Variants in FSTL5 observed in about 807,000 individuals in gnomAD.
The protein encoded by FSTL5 is follistatin like 5, also known as follistatin-related protein 5.
In FSTL5, 62 loss-of-function variants were observed where a neutral mutation model predicts 89.1. The observed-to-expected ratio is 0.70, with a 90% CI of 0.57 to 0.86. The LOEUF (loss-of-function observed/expected upper bound fraction) is 0.86, where lower values mean the gene tolerates loss of function less well. Among genes scored for constraint, FSTL5 ranks in the 40% least tolerant of loss-of-function variants. The pLI is 0.00. For missense variants in FSTL5, 1,057 were observed against 1,001.6 expected, an observed-to-expected ratio of 1.06 and a Z score of -0.75; for synonymous variants, 383 against 346.2, an observed-to-expected ratio of 1.11 and a Z score of -1.18.
intron 6 of FSTL5, among the ~76,000 whole-genome samples, chr4:161,753,015 A>T (rs891034185): frequency 3.3e-5 from 5 of 152,158 alleles, no homozygotes; most frequent in Admixed American, 2.0e-4. Context: ...ATAAATTTCC[A>T]TTGTTGAAGC....
chr4:161,680,794 T>A (rs375551109), intron 6 of FSTL5, among the ~76,000 whole-genome samples: 18 of 152,114 alleles, frequency 1.2e-4, no homozygotes, highest in African/African-American at 4.1e-4. Context: ...AAAGATTAAG[T>A]AAACATTTCA....
intron 3 of FSTL5, among the ~76,000 whole-genome samples, chr4:161,924,782 GA>G (rs1269298479): frequency 6.6e-6 from 1 of 151,790 alleles, no homozygotes; most frequent in Non-Finnish European, 1.5e-5. Context: ...CAATAATAAA[GA>G]GGGAGGGAAG....
chr4:162,071,992 T>C (rs1304941735), intron 2 of FSTL5, among the ~76,000 whole-genome samples: 2 of 151,782 alleles, frequency 1.3e-5, no homozygotes, highest in Non-Finnish European at 2.9e-5. Flanking sequence ...GCATCAGTTA[T>C]GATAAAATGG....
chr4:162,092,593 A>G (rs1730590334), intron 2 of FSTL5, among the ~76,000 whole-genome samples: 1 of 152,156 alleles, frequency 6.6e-6, no homozygotes, highest in Non-Finnish European at 1.5e-5. Flanking sequence ...AAAGTTTGAT[A>G]AGTAGAATAA....
intron 1 of FSTL5, among the ~76,000 whole-genome samples, chr4:162,160,292 A>G (rs1733644887): frequency 6.6e-6 from 1 of 151,848 alleles, no homozygotes; most frequent in Non-Finnish European, 1.5e-5. Flanking sequence ...GTGATTTAAA[A>G]CACAGGGGGA....
chr4:161,793,938 C>A (rs11935215), intron 4 of FSTL5, among the ~76,000 whole-genome samples: 59 of 152,090 alleles, frequency 3.9e-4, no homozygotes, highest in Middle Eastern at 3.4e-3. Flanking sequence ...GGATATAATA[C>A]GGATATTACA....
chr4:161,753,359 T>C (rs546664751), intron 6 of FSTL5, among the ~76,000 whole-genome samples: 1 of 152,184 alleles, frequency 6.6e-6, no homozygotes, highest in Non-Finnish European at 1.5e-5. Context: ...AGCTAGAAAT[T>C]TGGGCATTAT....
rs1236549767 is a variant in FSTL5 at position 161,747,663 on chromosome 4, G to A, written c.727+11748C>T. Among the ~76,000 whole-genome samples, 3 of 152,270 alleles carry A rather than the reference G, an allele frequency of 2.0e-5. No individual in the cohort carries two copies. The East Asian group carries it at 5.8e-4, about 29-fold the overall frequency. ...TCTGTTTACCTTACTTGAATGATTA[G>A]TAACAAGTTTACTGTAGTTTCCTTC... On this transcript the variant is annotated intron_variant, in intron 6 of 15. Transcript: ENST00000306100.
intron 4 of FSTL5, among the ~76,000 whole-genome samples, chr4:161,870,394 C>T (rs1021463547): frequency 6.6e-6 from 1 of 151,566 alleles, no homozygotes; most frequent in Non-Finnish European, 1.5e-5. Context: ...AGAGGAGAGA[C>T]AGTAAAAAAA....
intron 8 of FSTL5, among the ~76,000 whole-genome samples, chr4:161,585,961 G>T (rs1244231547): frequency 2.0e-5 from 3 of 152,134 alleles, no homozygotes; most frequent in Admixed American, 2.0e-4. Flanking sequence ...TCAAAGACTT[G>T]ATTATGTCTA....
intron 4 of FSTL5, among the ~76,000 whole-genome samples, chr4:161,785,295 C>T (rs1412818158): frequency 6.6e-6 from 1 of 152,158 alleles, no homozygotes; most frequent in African/African-American, 2.4e-5. Context: ...ATGTGAAATT[C>T]TATCCAGGAG....
intron 5 of FSTL5, among the ~76,000 whole-genome samples, chr4:161,763,010 A>G (rs897218358): frequency 2.0e-5 from 3 of 152,208 alleles, no homozygotes; most frequent in African/African-American, 7.2e-5. Context: ...CAAATCAGGA[A>G]TGACTCACTG....
chr4:161,434,182 A>G (rs1732477870), intron 15 of FSTL5, among the ~76,000 whole-genome samples: 1 of 152,152 alleles, frequency 6.6e-6, no homozygotes, highest in Non-Finnish European at 1.5e-5. Context: ...CCAAAACAGC[A>G]TGGTACTGGC....
chr4:161,659,548 A>G (rs1329163763), intron 6 of FSTL5, among the ~76,000 whole-genome samples: 1 of 152,152 alleles, frequency 6.6e-6, no homozygotes, highest in Non-Finnish European at 1.5e-5. Context: ...AGAATGTTTC[A>G]ATGTTGAGTG....
intron 11 of FSTL5, among the ~76,000 whole-genome samples, chr4:161,506,972 C>CT (rs1258395007): frequency 1.2e-4 from 18 of 152,006 alleles, no homozygotes; most frequent in Admixed American, 1.2e-3. Flanking sequence ...GAATACGAAA[C>CT]TTTTTTTCTG....
At chr4:162,042,971 A>C (rs1457947550) in intron 2 of FSTL5, among the ~76,000 whole-genome samples, 3 of 147,592 alleles carry the variant, frequency 2.0e-5, no homozygotes, top group African/African-American at 7.4e-5. Context: ...GGGGAGGGAT[A>C]GCATTGGGAG....
intron 7 of FSTL5, among the ~76,000 whole-genome samples, chr4:161,588,518 C>T (rs1240217902): frequency 6.6e-6 from 1 of 151,952 alleles, no homozygotes; most frequent in Non-Finnish European, 1.5e-5. Context: ...AAAACTTGCA[C>T]CGTTAAAATC....
intron 4 of FSTL5, among the ~76,000 whole-genome samples, chr4:161,788,782 T>C (rs951921527): frequency 6.6e-6 from 1 of 152,108 alleles, no homozygotes; most frequent in African/African-American, 2.4e-5. Flanking sequence ...CCTGTAGTCT[T>C]AGCTACTCAA....
intron 3 of FSTL5, among the ~76,000 whole-genome samples, chr4:161,993,479 C>T (rs1446007328): frequency 4.0e-5 from 6 of 151,832 alleles, no homozygotes; most frequent in African/African-American, 1.2e-4. Flanking sequence ...ATATAAATTA[C>T]TCAACAGTAA....
Sources: gnomAD v4.1 joint callset for allele counts (sites outside exome capture counted in the v4.1 genomes callset) on GRCh38, gnomAD v4.1.1 for gene constraint, MANE v1.5 for transcripts, NCBI Gene and HGNC (gene_info 2026-07-23, HGNC 2026-07-21) for gene names.